The following MDGA2 variants were observed in gnomAD, a reference collection of about 807,000 sequenced individuals.
MDGA2 encodes the protein MAM domain containing glycosylphosphatidylinositol anchor 2.
In MDGA2, 40 loss-of-function variants were observed where a neutral mutation model predicts 117.8. That is an observed-to-expected ratio of 0.34 (90% CI 0.26 to 0.44). The LOEUF (loss-of-function observed/expected upper bound fraction) is 0.44, where lower values mean the gene tolerates loss of function less well. Ranked by LOEUF, MDGA2 falls within the 20% of genes least tolerant of loss-of-function variation. The pLI is 1.00. For missense variants in MDGA2, 1,123 were observed against 1,250.6 expected (o/e 0.90, Z 1.54); for synonymous variants, 452 against 439.0 (o/e 1.03, Z -0.37).
At chr14:47,303,920 C>A (rs1889361530) in intron 1 of MDGA2, among the ~76,000 whole-genome samples, 2 of 152,022 alleles carry the variant, frequency 1.3e-5, no homozygotes, top group African/African-American at 2.4e-5. Context: ...TTTATTTAAA[C>A]CACTTAAATT....
chr14:47,219,217 A>G (rs541719280), intron 2 of MDGA2, among the ~76,000 whole-genome samples: 127 of 152,212 alleles, frequency 8.3e-4, no homozygotes, highest in African/African-American at 2.8e-3. Flanking sequence ...TAATATTGCC[A>G]TTATATATAC....
At chr14:47,485,893 C>A (rs1323622208) in intron 1 of MDGA2, among the ~76,000 whole-genome samples, 1 of 152,200 alleles carries the variant, frequency 6.6e-6, no homozygotes, top group Non-Finnish European at 1.5e-5. Flanking sequence ...CCCTGGATGT[C>A]CAGGCAGAAG....
At chr14:47,478,033 G>A (rs183640229) in intron 1 of MDGA2, among the ~76,000 whole-genome samples, 194 of 152,304 alleles carry the variant, frequency 1.3e-3, no homozygotes, top group African/African-American at 4.3e-3. Context: ...AATAGACTCA[G>A]TGCTGCTGGA....
At chr14:46,860,503 T>C (rs137989459) in intron 14 of MDGA2, among the ~76,000 whole-genome samples, 85 of 152,146 alleles carry the variant, frequency 5.6e-4, no homozygotes, top group African/African-American at 1.8e-3. Context: ...TTTGTCCTTA[T>C]GGTTCTCCAG....
intron 9 of MDGA2, among the ~76,000 whole-genome samples, chr14:46,930,561 T>C (rs1374531469): frequency 6.6e-6 from 1 of 152,204 alleles, no homozygotes; most frequent in Non-Finnish European, 1.5e-5. Context: ...TAATCTTATA[T>C]AAGACCGGTT....
intron 8 of MDGA2, among the ~76,000 whole-genome samples, chr14:46,991,789 A>C (rs1213926193): frequency 6.6e-6 from 1 of 152,118 alleles, no homozygotes; most frequent in Non-Finnish European, 1.5e-5. Context: ...AAACTCCTAA[A>C]ATTAAAAGTT....
intron 10 of MDGA2, among the ~76,000 whole-genome samples, chr14:46,898,820 G>A (rs1211239838): frequency 6.6e-6 from 1 of 151,942 alleles, no homozygotes; most frequent in Non-Finnish European, 1.5e-5. Context: ...AGAACAAAGG[G>A]TGTCAATCTT....
intron 3 of MDGA2, among the ~76,000 whole-genome samples, chr14:47,181,593 G>A (rs930379516): frequency 2.0e-5 from 3 of 152,190 alleles, no homozygotes; most frequent in African/African-American, 7.2e-5. Flanking sequence ...ACCTTAGCTT[G>A]TGATTTTTTA....
rs901281731 is a variant in MDGA2 at position 47,462,308 on chromosome 14, G to A, written c.281-160758C>T. Among the ~76,000 whole-genome samples, 5 of 149,594 alleles carry A rather than the reference G, an allele frequency of 3.3e-5. No homozygotes were observed. In the East Asian group the frequency reaches 8.0e-4, roughly 24 times the overall value. ...GGAGAATGATGGGAACCTGGGAAGC[G>A]GAGCTTGCAGTGAGCCCAGATCGTG... On this transcript the variant is annotated intron_variant, in intron 1 of 16. Transcript: ENST00000399232.
intron 1 of MDGA2, among the ~76,000 whole-genome samples, chr14:47,528,640 T>C (rs1347422811): frequency 1.3e-5 from 2 of 152,222 alleles, no homozygotes; most frequent in Non-Finnish European, 2.9e-5. Flanking sequence ...TTTTAAAAGC[T>C]ACATTTAACC....
intron 3 of MDGA2, among the ~76,000 whole-genome samples, chr14:47,216,234 T>G (rs1886083649): frequency 6.6e-6 from 1 of 152,204 alleles, no homozygotes; most frequent in South Asian, 2.1e-4. Flanking sequence ...TATATTTAAC[T>G]TGTTAACCCA....
intron 1 of MDGA2, among the ~76,000 whole-genome samples, chr14:47,629,658 G>A (rs1343041085): frequency 1.3e-5 from 2 of 152,162 alleles, no homozygotes; most frequent in Admixed American, 6.5e-5. Context: ...TTTTGCAGCC[G>A]ACTAGCTAAA....
At chr14:46,903,772 C>T (rs534570278) in intron 10 of MDGA2, among the ~76,000 whole-genome samples, 10 of 152,100 alleles carry the variant, frequency 6.6e-5, no homozygotes, top group African/African-American at 2.2e-4. Flanking sequence ...TACTTTATCT[C>T]GGTTTGTGCC....
chr14:47,078,304 T>A (rs1165223367), intron 6 of MDGA2, among the ~76,000 whole-genome samples: 1 of 152,150 alleles, frequency 6.6e-6, no homozygotes, highest in Non-Finnish European at 1.5e-5. Flanking sequence ...CTCCTCCATA[T>A]ATATCAATAT....
intron 3 of MDGA2, among the ~76,000 whole-genome samples, chr14:47,213,069 G>A (rs1469686641): frequency 2.6e-5 from 4 of 151,320 alleles, no homozygotes; most frequent in Admixed American, 2.0e-4. Flanking sequence ...TTCCTTTTTT[G>A]TTTACTTCTT....
chr14:47,149,939 G>A (rs1291117751), intron 3 of MDGA2, among the ~76,000 whole-genome samples: 1 of 152,176 alleles, frequency 6.6e-6, no homozygotes, highest in African/African-American at 2.4e-5. Flanking sequence ...GAGGTCTATA[G>A]CTAATTTAAA....
chr14:47,283,450 T>A (rs1457288476), intron 2 of MDGA2, among the ~76,000 whole-genome samples: 3 of 152,362 alleles, frequency 2.0e-5, no homozygotes, highest in Non-Finnish European at 4.4e-5. Flanking sequence ...GTGTTTTGCA[T>A]GTCACCTAGA....
At chr14:47,325,476 G>T (rs750878475) in intron 1 of MDGA2, among the ~76,000 whole-genome samples, 1 of 152,120 alleles carries the variant, frequency 6.6e-6, no homozygotes, top group African/African-American at 2.4e-5. Flanking sequence ...CCAAGGAGCT[G>T]CATTAATGAT....
At position 47,218,178 on chromosome 14, in the gene MDGA2, T is replaced by C. The variant is rs1410794542; in HGVS notation, c.438A>G (p.Thr146=). Residue 146 remains threonine (T), a synonymous_variant, in exon 3 of 17, where the codon ACA becomes ACG. Transcript: ENST00000399232. ...HPRPQIRWTK[T]AGSASDRFQD... is the part of the protein sequence containing the mutation. ...GGAATCTGTCAGAGGCACTTCCTGC[T>C]GTTTTGGTCCACCTGATCTGAGCAA... The C allele has an allele frequency of 1.3e-6, 2 of 1,548,286 alleles. No homozygotes were observed. Among genetic ancestry groups the C allele is most frequent in the African/African-American group, 2.7e-5 (2 of 72,826 alleles).
Sources: gnomAD v4.1 joint callset for allele counts (sites outside exome capture counted in the v4.1 genomes callset) on GRCh38, gnomAD v4.1.1 for gene constraint, MANE v1.5 for transcripts, NCBI Gene and HGNC (gene_info 2026-07-23, HGNC 2026-07-21) for gene names.